The following GABRA3 variants were observed in gnomAD, a reference collection of about 807,000 sequenced individuals.
The protein encoded by GABRA3 is gamma-aminobutyric acid receptor subunit alpha-3.
GABRA3 carries 10 observed loss-of-function variants against 30.1 expected under a neutral mutation model. The observed-to-expected ratio is 0.33, with a 90% confidence interval of 0.20 to 0.56. GABRA3 has a LOEUF of 0.56. Among genes scored for constraint, GABRA3 ranks in the 20% least tolerant of loss-of-function variants. The probability of loss-of-function intolerance (pLI) is 0.89; values close to 1 mark genes in which losing one functional copy is unlikely to be tolerated. For synonymous variants in GABRA3, 151 were observed against 146.8 expected (o/e 1.03, Z -0.21); for missense variants, 233 against 392.0 (o/e 0.59, Z 3.42).
chrX:152,390,412 T>C (rs1013429683), intron 1 of GABRA3, among the ~76,000 whole-genome samples: 1 of 112,854 alleles, frequency 8.9e-6, no homozygotes, highest in Non-Finnish European at 1.9e-5. Context: ...TTATGCCTTA[T>C]GCAGAAAACC....
At chrX:152,244,525 T>A (rs1938431260) in intron 5 of GABRA3, among the ~76,000 whole-genome samples, 1 of 111,695 alleles carries the variant, frequency 9.0e-6, no homozygotes, top group African/African-American at 3.3e-5. Context: ...ACACTGAATG[T>A]ACTGGAGCCT....
At chrX:152,188,614 C>T (rs774717721) in intron 9 of GABRA3, among the ~76,000 whole-genome samples, 38 of 111,113 alleles carry the variant, frequency 3.4e-4, no homozygotes, top group African/African-American at 1.1e-3. Flanking sequence ...AGCAAAAAAT[C>T]CTATGGTAGA....
At chrX:152,239,842 G>T (rs1416413044) in intron 5 of GABRA3, among the ~76,000 whole-genome samples, 5 of 103,132 alleles carry the variant, frequency 4.8e-5, no homozygotes, top group East Asian at 7.1e-4. Flanking sequence ...TTTTCCATTA[G>T]CTTGGTAGAT....
At chrX:152,299,887 A>G (rs779700479) in intron 3 of GABRA3, among the ~76,000 whole-genome samples, 80 of 112,090 alleles carry the variant, frequency 7.1e-4, no homozygotes, top group African/African-American at 2.5e-3. Context: ...AAAGGCAAAG[A>G]CACAAAGGGG....
intron 6 of GABRA3, among the ~76,000 whole-genome samples, chrX:152,218,821 C>G (rs1937776516): frequency 9.0e-6 from 1 of 111,187 alleles, no homozygotes; most frequent in Non-Finnish European, 1.9e-5. Context: ...TGTTAGGAGA[C>G]TTTTGTTAAT....
At chrX:152,247,263 G>A (rs970791563) in intron 5 of GABRA3, among the ~76,000 whole-genome samples, 22 of 111,596 alleles carry the variant, frequency 2.0e-4, no homozygotes, top group African/African-American at 6.5e-4. Flanking sequence ...CTAAATGCAG[G>A]ACACTATTAC....
chrX:152,313,497 C>T (rs773588724), intron 3 of GABRA3, among the ~76,000 whole-genome samples: 29 of 111,805 alleles, frequency 2.6e-4, no homozygotes, highest in African/African-American at 6.2e-4. Flanking sequence ...GCCCAGTCTG[C>T]GCTCAGCACA....
chrX:152,435,290 G>A (rs1346979884), intron 1 of GABRA3, among the ~76,000 whole-genome samples: 1 of 111,156 alleles, frequency 9.0e-6, no homozygotes, highest in Non-Finnish European at 1.9e-5. Flanking sequence ...AAAGGTGCAT[G>A]CACACGTTTG....
intron 4 of GABRA3, among the ~76,000 whole-genome samples, chrX:152,260,581 GA>G (rs1569372863): frequency 8.9e-6 from 1 of 111,849 alleles, no homozygotes; most frequent in Non-Finnish European, 1.9e-5. Flanking sequence ...GGGAAGCCAA[GA>G]AAAGTCTTTG....
chrX:152,400,490 C>T (rs1315571032), intron 1 of GABRA3, among the ~76,000 whole-genome samples: 1 of 111,093 alleles, frequency 9.0e-6, no homozygotes, highest in South Asian at 3.8e-4. Flanking sequence ...GCCTGGGCAA[C>T]ACAGTAAGAC....
At position 152,208,001 on chromosome X, in the gene GABRA3, C is replaced by T. The variant is rs1391589124; in HGVS notation, c.778G>A (p.Gly260Arg). The T allele has an allele frequency of 8.3e-7, 1 of 1,206,615 alleles. No individual in the cohort carries two copies. The highest frequency in any genetic ancestry group is 3.0e-5 in the East Asian group (1 of 33,763). Residue 260 changes from glycine (G) to arginine (R), a missense_variant and splice_region_variant, in exon 7 of 10, where the codon GGA (glycine) becomes AGA (arginine). Physicochemically the swap from Gly to Arg is moderately radical, Grantham distance 125. This residue lies in a region of GABRA3 where 18 missense variants were observed against 16.4 expected (regional missense o/e 1.09). Coordinates refer to ENST00000370314, the MANE Select transcript of GABRA3 (RefSeq NM_000808.4). ...VGTEIIRSST[G>R]EYVVMTTHFH... Reference sequence around the variant, plus strand: ...TTGTTAAATAAAATAAGTTAAATACCTGTACTAGACCGGATTATCTCTGTC... The same window carrying T: ...TTGTTAAATAAAATAAGTTAAATACTTGTACTAGACCGGATTATCTCTGTC...
At chrX:152,268,893 CA>C (rs1455085692) in intron 4 of GABRA3, among the ~76,000 whole-genome samples, 1 of 111,938 alleles carries the variant, frequency 8.9e-6, no homozygotes, top group Non-Finnish European at 1.9e-5. Flanking sequence ...TTAATTTTTT[CA>C]TTGGCTTATT....
chrX:152,339,524 T>C (rs933008892), intron 3 of GABRA3, among the ~76,000 whole-genome samples: 3 of 111,753 alleles, frequency 2.7e-5, no homozygotes, highest in African/African-American at 9.7e-5. Flanking sequence ...CAGCCTATGT[T>C]GTAATTTTTT....
intron 3 of GABRA3, among the ~76,000 whole-genome samples, chrX:152,285,665 T>C (rs984393359): frequency 1.8e-5 from 2 of 111,026 alleles, no homozygotes; most frequent in South Asian, 7.7e-4. Context: ...CATAAATTCA[T>C]TGCTCACAGT....
At chrX:152,200,510 C>A (rs1477261007) in intron 7 of GABRA3, among the ~76,000 whole-genome samples, 1 of 110,268 alleles carries the variant, frequency 9.1e-6, no homozygotes, top group African/African-American at 3.3e-5. Context: ...TTTTTCAATT[C>A]TTTTCTTTCT....
intron 1 of GABRA3, among the ~76,000 whole-genome samples, chrX:152,440,193 T>A (rs1406258893): frequency 9.0e-6 from 1 of 111,572 alleles, no homozygotes; most frequent in East Asian, 2.8e-4. Context: ...AACAACCCCA[T>A]CAAAAAGTGG....
At chrX:152,305,486 CT>C (rs1193876333) in intron 3 of GABRA3, among the ~76,000 whole-genome samples, 2 of 111,296 alleles carry the variant, frequency 1.8e-5, no homozygotes, top group Non-Finnish European at 3.8e-5. Context: ...TACAAACCCC[CT>C]GACACACATA....
chrX:152,441,165 G>A (rs1188556965), intron 1 of GABRA3, among the ~76,000 whole-genome samples: 1 of 111,254 alleles, frequency 9.0e-6, no homozygotes, highest in Non-Finnish European at 1.9e-5. Context: ...GGTGGTAGTG[G>A]TTACACAATC....
At chrX:152,442,161 T>G (rs759255957) in intron 1 of GABRA3, among the ~76,000 whole-genome samples, 4 of 110,937 alleles carry the variant, frequency 3.6e-5, no homozygotes, top group Non-Finnish European at 5.7e-5. Flanking sequence ...CAAATGTGAG[T>G]GGCCCTGAGT....
Sources: allele counts gnomAD v4.1 joint callset (sites outside exome capture counted in the v4.1 genomes callset), GRCh38; gene constraint gnomAD v4.1.1; regional missense constraint gnomAD v4.1.1; transcripts MANE v1.5; gene names NCBI Gene and HGNC (gene_info 2026-07-23, HGNC 2026-07-21).